WIF1: variants seen among roughly 807,000 people sequenced by gnomAD.
WIF1 encodes the protein Wnt inhibitory factor 1.
WIF1 carries 35 observed loss-of-function variants against 53.5 expected under a neutral mutation model. That is an observed-to-expected ratio of 0.65 (90% CI 0.50 to 0.87). The LOEUF (loss-of-function observed/expected upper bound fraction) is 0.87, where lower values mean the gene tolerates loss of function less well. WIF1 is among the 40% of genes least tolerant of loss of function. The probability of loss-of-function intolerance (pLI) is 0.00; values close to 1 mark genes in which losing one functional copy is unlikely to be tolerated. For missense variants in WIF1, 467 were observed against 476.8 expected (o/e 0.98, Z 0.19); for synonymous variants, 171 against 170.4 (o/e 1.00, Z -0.03).
At chr12:65,063,919 T>G (rs1882650994) in intron 6 of WIF1, among the ~76,000 whole-genome samples, 2 of 152,196 alleles carry the variant, frequency 1.3e-5, no homozygotes, top group African/African-American at 4.8e-5. Context: ...TCTTGCTACA[T>G]TGTCCACACA....
chr12:65,095,715 G>A (rs1883192747), intron 2 of WIF1: 1 of 151,762 alleles, frequency 6.6e-6, no homozygotes, highest in East Asian at 1.9e-4. Flanking sequence ...GAAGGAAATA[G>A]GTTACATAAA....
intron 9 of WIF1, among the ~76,000 whole-genome samples, chr12:65,052,144 C>G (rs1882450622): frequency 6.6e-6 from 1 of 152,182 alleles, no homozygotes; most frequent in Non-Finnish European, 1.5e-5. Flanking sequence ...GGGGCAGTAA[C>G]TCATTTCTCA....
At chr12:65,109,958 C>G (rs1264253142) in intron 2 of WIF1, among the ~76,000 whole-genome samples, 1 of 152,096 alleles carries the variant, frequency 6.6e-6, no homozygotes, top group Non-Finnish European at 1.5e-5. Flanking sequence ...AATTTGGCAA[C>G]AAACAATACA....
intron 2 of WIF1, among the ~76,000 whole-genome samples, chr12:65,106,030 A>T (rs1250927745): frequency 6.6e-6 from 1 of 152,262 alleles, no homozygotes; most frequent in South Asian, 2.1e-4. Context: ...GACAGATTGC[A>T]CTCAAATCTG....
chr12:65,108,475 C>G (rs1006007235), intron 2 of WIF1, among the ~76,000 whole-genome samples: 2 of 152,188 alleles, frequency 1.3e-5, no homozygotes, highest in Non-Finnish European at 2.9e-5. Flanking sequence ...CCAAATGGAT[C>G]CCCATGTGTT....
chr12:65,064,191 T>C (rs1229870748), intron 6 of WIF1, among the ~76,000 whole-genome samples: 1 of 152,234 alleles, frequency 6.6e-6, no homozygotes, highest in Non-Finnish European at 1.5e-5. Context: ...GCCCAATTAC[T>C]GATGTGTAGA....
At chr12:65,069,249 G>T (rs557584106) in intron 3 of WIF1, among the ~76,000 whole-genome samples, 1 of 152,198 alleles carries the variant, frequency 6.6e-6, no homozygotes, top group Non-Finnish European at 1.5e-5. Flanking sequence ...GTATACGTCA[G>T]TGTAGCATGG....
intron 2 of WIF1, among the ~76,000 whole-genome samples, chr12:65,094,854 G>T (rs936389515): frequency 5.9e-5 from 9 of 151,552 alleles, no homozygotes; most frequent in African/African-American, 1.9e-4. Flanking sequence ...AGTGAGTTTT[G>T]TTACCTGTTA....
rs1357431607 is a variant in WIF1 at position 65,061,366 on chromosome 12, A to G, written c.826+1115T>C. Among the ~76,000 whole-genome samples the G allele has an allele frequency of 2.6e-5, 4 of 152,344 alleles. No individual in the cohort carries two copies. The East Asian group carries it at 7.7e-4, about 29-fold the overall frequency. On this transcript the variant is annotated intron_variant, in intron 7 of 9. Transcript: ENST00000286574. ...GCTGTACCAAACAGTGGTGTTTTACAGATACAGCTGGAAATGAAACACAGA... is the reference window on the plus strand; with the variant it reads ...GCTGTACCAAACAGTGGTGTTTTACGGATACAGCTGGAAATGAAACACAGA...
At chr12:65,089,475 C>A (rs576729583) in intron 2 of WIF1, among the ~76,000 whole-genome samples, 1 of 152,158 alleles carries the variant, frequency 6.6e-6, no homozygotes, top group South Asian at 2.1e-4. Flanking sequence ...TTCTTAAATG[C>A]CAACTGGAAT....
intron 2 of WIF1, among the ~76,000 whole-genome samples, chr12:65,081,504 C>A (rs1019808683): frequency 2.6e-4 from 39 of 152,168 alleles, no homozygotes; most frequent in African/African-American, 8.9e-4. Context: ...GACTGCTTCA[C>A]ATGATGCAGC....
chr12:65,056,244 C>A (rs1592386256), intron 7 of WIF1, 118 bp from the exon 8 acceptor site: 18 of 791,578 alleles, frequency 2.3e-5, no homozygotes, highest in Admixed American at 3.3e-5. Flanking sequence ...TGGCAATTTT[C>A]ATTTATTTCA....
intron 2 of WIF1, among the ~76,000 whole-genome samples, chr12:65,103,222 T>G (rs1003863956): frequency 6.6e-6 from 1 of 152,246 alleles, no homozygotes; most frequent in Admixed American, 6.5e-5. Context: ...AATTATCAGT[T>G]ATTCCTCATA....
At chr12:65,083,280 A>T (rs1378302285) in intron 2 of WIF1, among the ~76,000 whole-genome samples, 1 of 152,170 alleles carries the variant, frequency 6.6e-6, no homozygotes, top group Non-Finnish European at 1.5e-5. Flanking sequence ...AGAAAGGAAA[A>T]TAGTTCAATG....
intron 2 of WIF1, among the ~76,000 whole-genome samples, chr12:65,103,501 G>A (rs1485091064): frequency 2.0e-5 from 3 of 152,134 alleles, no homozygotes; most frequent in South Asian, 2.1e-4. Flanking sequence ...ACTCAAGCCT[G>A]CAGATAACTG....
intron 3 of WIF1, among the ~76,000 whole-genome samples, chr12:65,071,849 A>G (rs1023631446): frequency 3.3e-5 from 5 of 152,176 alleles, no homozygotes; most frequent in Admixed American, 1.3e-4. Flanking sequence ...TCAATGAATT[A>G]TTATTTTTTT....
At chr12:65,054,097 G>A (rs1440343890) in intron 9 of WIF1, 2 of 72,744 alleles carry the variant, frequency 2.7e-5, no homozygotes, top group Admixed American at 3.4e-4. Flanking sequence ...TTTTTTTTGA[G>A]ACAGGGTCTT....
At chr12:65,055,698 C>G (rs565055496) in intron 8 of WIF1, among the ~76,000 whole-genome samples, 3 of 152,242 alleles carry the variant, frequency 2.0e-5, no homozygotes, top group Non-Finnish European at 4.4e-5. Flanking sequence ...TCGCTTACAC[C>G]TGGGGGGCGG....
chr12:65,115,415 T>G (rs962339316), intron 2 of WIF1, among the ~76,000 whole-genome samples: 2 of 152,216 alleles, frequency 1.3e-5, no homozygotes, highest in African/African-American at 4.8e-5. Flanking sequence ...TGTTCGATTC[T>G]GATTTGTCTA....
Sources: gnomAD v4.1 joint callset for allele counts (sites outside exome capture counted in the v4.1 genomes callset) on GRCh38, gnomAD v4.1.1 for gene constraint, MANE v1.5 for transcripts, NCBI Gene and HGNC (gene_info 2026-07-23, HGNC 2026-07-21) for gene names.